Variants in C8orf34 observed in about 807,000 individuals in gnomAD.
The protein encoded by C8orf34 is chromosome 8 open reading frame 34.
C8orf34 carries 65 observed loss-of-function variants against 68.3 expected under a neutral mutation model. The ratio of observed to expected loss-of-function variants is 0.95; its 90% CI spans 0.78 to 1.17. The LOEUF (loss-of-function observed/expected upper bound fraction) is 1.17, where lower values mean the gene tolerates loss of function less well. C8orf34 is among the 50% of genes most tolerant of loss of function. The pLI, the probability that C8orf34 is intolerant of heterozygous loss-of-function variation, is 0.00. For missense variants in C8orf34, 664 were observed against 655.4 expected, an observed-to-expected ratio of 1.01 and a Z score of -0.14; for synonymous variants, 244 against 241.2, an observed-to-expected ratio of 1.01 and a Z score of -0.11.
chr8:68,530,402 A>T (rs1815193459), intron 6 of C8orf34, among the ~76,000 whole-genome samples: 1 of 152,144 alleles, frequency 6.6e-6, no homozygotes, highest in Admixed American at 6.5e-5. Context: ...TGGGGCTAAA[A>T]TAATACATGA....
At chr8:68,432,342 C>G (rs1239355261) in intron 1 of C8orf34, among the ~76,000 whole-genome samples, 1 of 152,054 alleles carries the variant, frequency 6.6e-6, no homozygotes, top group East Asian at 1.9e-4. Context: ...CAGAGTATCT[C>G]TCTGTTGCCC....
intron 3 of C8orf34, among the ~76,000 whole-genome samples, chr8:68,463,069 G>T (rs1258220251): frequency 2.6e-5 from 4 of 151,956 alleles, no homozygotes; most frequent in Non-Finnish European, 5.9e-5. Flanking sequence ...AAAAAAGAGA[G>T]AAGAATCAAA....
At chr8:68,654,645 T>C (rs1269927244) in intron 8 of C8orf34, among the ~76,000 whole-genome samples, 2 of 152,198 alleles carry the variant, frequency 1.3e-5, no homozygotes, top group East Asian at 1.9e-4. Flanking sequence ...TTTAATCTAA[T>C]TTATTTTCAA....
At chr8:68,613,977 G>C (rs13257138) in intron 7 of C8orf34, among the ~76,000 whole-genome samples, 47 of 152,060 alleles carry the variant, frequency 3.1e-4, no homozygotes, top group South Asian at 1.3e-3. Context: ...TTAATGATTG[G>C]CATTCTAACT....
At chr8:68,614,614 T>C (rs1358920269) in intron 7 of C8orf34, among the ~76,000 whole-genome samples, 1 of 152,178 alleles carries the variant, frequency 6.6e-6, no homozygotes, top group African/African-American at 2.4e-5. Context: ...TGCGGTGTTA[T>C]TTCTGAGGGC....
chr8:68,713,914 C>G (rs530840537), intron 9 of C8orf34, among the ~76,000 whole-genome samples: 113 of 152,224 alleles, frequency 7.4e-4, no homozygotes, highest in African/African-American at 2.6e-3. Context: ...TAAACCAAAT[C>G]CAGCAGAATA....
chr8:68,502,766 G>C (rs1279561877), intron 5 of C8orf34, among the ~76,000 whole-genome samples: 1 of 152,196 alleles, frequency 6.6e-6, no homozygotes. Context: ...GGCAATGGTA[G>C]TACATTAATG....
intron 1 of C8orf34, among the ~76,000 whole-genome samples, chr8:68,396,817 C>T (rs1031076049): frequency 8.8e-5 from 13 of 148,496 alleles, no homozygotes; most frequent in African/African-American, 2.7e-4. Context: ...CCTTCACCTT[C>T]TGCCATGAGG....
chr8:68,759,457 T>A (rs1822964919), intron 10 of C8orf34, among the ~76,000 whole-genome samples: 1 of 152,228 alleles, frequency 6.6e-6, no homozygotes. Flanking sequence ...TCATCCTCAT[T>A]GTTTCAGTTT....
intron 7 of C8orf34, among the ~76,000 whole-genome samples, chr8:68,614,286 T>C (rs1297297900): frequency 6.6e-6 from 1 of 152,154 alleles, no homozygotes; most frequent in Non-Finnish European, 1.5e-5. Context: ...AGAAGCTCTT[T>C]AGTTTAATTA....
chr8:68,543,583 G>A (rs1490434072), intron 7 of C8orf34, among the ~76,000 whole-genome samples: 2 of 152,066 alleles, frequency 1.3e-5, no homozygotes, highest in East Asian at 3.9e-4. Flanking sequence ...CCACAGAAAA[G>A]GACACAGATT....
chr8:68,645,313 G>A (rs989397112), intron 8 of C8orf34, among the ~76,000 whole-genome samples: 5 of 152,074 alleles, frequency 3.3e-5, no homozygotes, highest in South Asian at 2.1e-4. Flanking sequence ...TCTTTTTCTC[G>A]CATGCTGGAA....
At chr8:68,398,448 A>G (rs532385653) in intron 1 of C8orf34, among the ~76,000 whole-genome samples, 2 of 152,310 alleles carry the variant, frequency 1.3e-5, no homozygotes, top group Admixed American at 1.3e-4. Context: ...GGGACAAAAT[A>G]CAGTTTACTA....
intron 6 of C8orf34, chr8:68,525,956 CTTTTTTTTTTTTTTT>C (rs10692707): frequency 5.8e-6 from 1 of 171,396 alleles, no homozygotes; most frequent in Non-Finnish European, 1.1e-5. Flanking sequence ...TTCTTTCTTT[CTTTTTTTTTTTTTTT>C]TTTTTGAGAC....
intron 1 of C8orf34, among the ~76,000 whole-genome samples, chr8:68,370,701 G>A (rs947131480): frequency 6.6e-6 from 1 of 152,106 alleles, no homozygotes; most frequent in Non-Finnish European, 1.5e-5. Context: ...CTCTGCTGAG[G>A]CTAGGTTTCA....
chr8:68,744,103 G>A (rs1822396726), intron 10 of C8orf34, among the ~76,000 whole-genome samples: 1 of 152,210 alleles, frequency 6.6e-6, no homozygotes, highest in Non-Finnish European at 1.5e-5. Context: ...CTAACTGGGA[G>A]GTACCACCCA....
intron 7 of C8orf34, among the ~76,000 whole-genome samples, chr8:68,588,806 A>T (rs1038951669): frequency 2.6e-5 from 4 of 152,178 alleles, no homozygotes; most frequent in Non-Finnish European, 4.4e-5. Flanking sequence ...CAAGACTAAA[A>T]GTTAGTCCTC....
At chr8:68,519,539 T>G (rs1299716708) in intron 5 of C8orf34, among the ~76,000 whole-genome samples, 1 of 150,402 alleles carries the variant, frequency 6.6e-6, no homozygotes, top group Admixed American at 6.6e-5. Flanking sequence ...GTGAATTTTA[T>G]AGCAATCTGA....
At chr8:68,697,958 C>T (rs541723472) in intron 8 of C8orf34, among the ~76,000 whole-genome samples, 9 of 152,162 alleles carry the variant, frequency 5.9e-5, no homozygotes, top group African/African-American at 2.2e-4. Context: ...TAGAACTCTA[C>T]GGGAATCTCA....
Sources: gnomAD v4.1 joint callset for allele counts (sites outside exome capture counted in the v4.1 genomes callset) on GRCh38, gnomAD v4.1.1 for gene constraint, MANE v1.5 for transcripts, NCBI Gene and HGNC (gene_info 2026-07-23, HGNC 2026-07-21) for gene names.